Variants in ELAPOR1 observed in about 807,000 individuals in gnomAD.
ELAPOR1 encodes endosome/lysosome-associated apoptosis and autophagy regulator 1.
ELAPOR1 carries 77 observed loss-of-function variants against 119.7 expected under a neutral mutation model. The observed-to-expected ratio is 0.64, with a 90% CI of 0.54 to 0.78. The LOEUF is 0.78. ELAPOR1 is among the 30% of genes least tolerant of loss of function. The probability of loss-of-function intolerance (pLI) is 0.00; values close to 1 mark genes in which losing one functional copy is unlikely to be tolerated. For missense variants in ELAPOR1, 1,115 were observed against 1,270.4 expected, an observed-to-expected ratio of 0.88 and a Z score of 1.86; for synonymous variants, 481 against 487.2, an observed-to-expected ratio of 0.99 and a Z score of 0.17.
intron 1 of ELAPOR1, among the ~76,000 whole-genome samples, chr1:109,139,847 C>G (rs993724594): frequency 6.6e-6 from 1 of 152,062 alleles, no homozygotes; most frequent in African/African-American, 2.4e-5. Flanking sequence ...TCTTGGCTCA[C>G]TGCAACCTCT....
rs568864759 is a variant in ELAPOR1, at chr1:109,194,440, A to G, written c.1967A>G (p.Asn656Ser). 3.1e-6 allele frequency: 5 copies of G among 1,613,820 alleles called. No individual in the cohort carries two copies. Among genetic ancestry groups the G allele is most frequent in the Admixed American group, 1.7e-5 (1 of 60,024 alleles). The change falls in exon 15 of 22, where the codon AAC becomes AGC. Residue 656 changes from asparagine (N) to serine (S), a missense_variant. Physicochemically the swap from Asn to Ser is conservative, Grantham distance 46 (BLOSUM62 1). Transcript: ENST00000369939. Reference protein sequence around the residue: ...KNNKIHSLCYNDCTFSRNTPT... With the variant: ...KNNKIHSLCYSDCTFSRNTPT... ...CCTCAGATCCACTCTCTGTGCTACA[A>G]CGATTGCACCTTCTCACGCAACACT...
intron 1 of ELAPOR1, among the ~76,000 whole-genome samples, chr1:109,161,013 G>T (rs1651213089): frequency 6.6e-6 from 1 of 152,154 alleles, no homozygotes; most frequent in Non-Finnish European, 1.5e-5. Flanking sequence ...AATTAGGGAT[G>T]AACAGGCTCA....
At chr1:109,179,677 A>G (rs1652579107) in intron 7 of ELAPOR1, among the ~76,000 whole-genome samples, 1 of 152,114 alleles carries the variant, frequency 6.6e-6, no homozygotes, top group Non-Finnish European at 1.5e-5. Context: ...AGGCTGAGGC[A>G]GGTGGATCAC....
intron 1 of ELAPOR1, among the ~76,000 whole-genome samples, chr1:109,137,318 C>T (rs1649535569): frequency 6.6e-6 from 1 of 151,502 alleles, no homozygotes; most frequent in East Asian, 1.9e-4. Flanking sequence ...ATTTTCCTGC[C>T]TCAGCCTCCC....
chr1:109,157,563 AATAGCCTGC>A (rs1650961687), intron 1 of ELAPOR1, among the ~76,000 whole-genome samples: 2 of 152,152 alleles, frequency 1.3e-5, no homozygotes, highest in South Asian at 4.1e-4. Context: ...TAACCTTATG[AATAGCCTGC>A]ATAACTATAC....
intron 2 of ELAPOR1, among the ~76,000 whole-genome samples, chr1:109,163,249 G>A (rs1430421274): frequency 6.6e-6 from 1 of 152,202 alleles, no homozygotes; most frequent in Non-Finnish European, 1.5e-5. Flanking sequence ...GGTGAAAAAA[G>A]ATTTGTAGTG....
intron 1 of ELAPOR1, among the ~76,000 whole-genome samples, chr1:109,154,144 G>T (rs1650710352): frequency 6.6e-6 from 1 of 151,656 alleles, no homozygotes; most frequent in South Asian, 2.1e-4. Context: ...AGCTGGGCAT[G>T]GTGGTGCATG....
intron 1 of ELAPOR1, among the ~76,000 whole-genome samples, chr1:109,135,881 T>C (rs1649438990): frequency 6.6e-6 from 1 of 152,220 alleles, no homozygotes; most frequent in African/African-American, 2.4e-5. Flanking sequence ...CAAGGATCTC[T>C]GGGTGGATAT....
intron 8 of ELAPOR1, among the ~76,000 whole-genome samples, chr1:109,185,735 A>G (rs1653003078): frequency 6.6e-6 from 1 of 152,034 alleles, no homozygotes; most frequent in Admixed American, 6.5e-5. Context: ...ACAGTCCTGT[A>G]TGAGAGGCTG....
chr1:109,190,659 CT>C (rs1242043853), intron 11 of ELAPOR1, among the ~76,000 whole-genome samples: 1 of 152,110 alleles, frequency 6.6e-6, no homozygotes, highest in Non-Finnish European at 1.5e-5. Flanking sequence ...ACTTTTTAGG[CT>C]TTTTTTGGAA....
intron 7 of ELAPOR1, among the ~76,000 whole-genome samples, chr1:109,177,159 T>C (rs1477426856): frequency 2.5e-4 from 37 of 147,440 alleles, no homozygotes; most frequent in East Asian, 8.1e-4. Flanking sequence ...GCAGAGGGGC[T>C]CCTCACTTCC....
intron 1 of ELAPOR1, among the ~76,000 whole-genome samples, chr1:109,141,094 C>T (rs1364573248): frequency 2.6e-5 from 4 of 152,212 alleles, no homozygotes; most frequent in Non-Finnish European, 4.4e-5. Context: ...TCAGGCAATC[C>T]GCCTACCTTG....
chr1:109,141,830 T>A (rs1649846527), intron 1 of ELAPOR1, among the ~76,000 whole-genome samples: 1 of 151,752 alleles, frequency 6.6e-6, no homozygotes, highest in Admixed American at 6.6e-5. Context: ...CACACCTGGC[T>A]AATTTTTTTT....
intron 18 of ELAPOR1, among the ~76,000 whole-genome samples, chr1:109,198,906 C>T (rs1015523618): frequency 2.1e-4 from 32 of 152,212 alleles, no homozygotes; most frequent in Admixed American, 7.2e-4. Flanking sequence ...GCAGCAGCTG[C>T]GTAGCATGGT....
chr1:109,174,580 C>T (rs185739898), intron 7 of ELAPOR1, among the ~76,000 whole-genome samples: 1 of 150,332 alleles, frequency 6.7e-6, no homozygotes, highest in Non-Finnish European at 1.5e-5. Context: ...GGAAGAGAGA[C>T]AATAAACAAA....
At chr1:109,140,190 C>G (rs1266634414) in intron 1 of ELAPOR1, among the ~76,000 whole-genome samples, 2 of 152,176 alleles carry the variant, frequency 1.3e-5, no homozygotes, top group African/African-American at 4.8e-5. Context: ...GTGAAAAGCA[C>G]TCCCTGGGGT....
chr1:109,189,270 T>C lies in ELAPOR1; in HGVS notation c.1348+76T>C, dbSNP rs976639776. The C allele has an allele frequency of 1.2e-5, 18 of 1,518,756 alleles. No homozygotes were observed. The African/African-American group carries it at 2.1e-4, about 17-fold the overall frequency. The allele number at this position is 1,518,756 out of a possible 1,614,324, so 94.1% of individuals were successfully genotyped here. A position where few individuals can be genotyped will look rare whatever the true frequency, so the allele number is the denominator to read the frequency against. ...GTTCTTCCAACTTCACATTTCTTCATAATAGTGATGTCTGAGAAAAATAAG... is the reference window on the plus strand; with the variant it reads ...GTTCTTCCAACTTCACATTTCTTCACAATAGTGATGTCTGAGAAAAATAAG... On this transcript the variant is annotated intron_variant, in intron 10 of 21. Coordinates refer to ENST00000369939, the MANE Select transcript of ELAPOR1 (RefSeq NM_020775.5).
intron 1 of ELAPOR1, among the ~76,000 whole-genome samples, chr1:109,116,668 C>G (rs1648025028): frequency 6.9e-6 from 1 of 144,694 alleles, no homozygotes; most frequent in Admixed American, 7.5e-5. Context: ...GGTAGACCAG[C>G]TCTTCTCTGT....
chr1:109,168,219 A>G (rs964430270), intron 3 of ELAPOR1, among the ~76,000 whole-genome samples: 2 of 152,082 alleles, frequency 1.3e-5, no homozygotes, highest in Non-Finnish European at 2.9e-5. Context: ...CCTCAAAGAA[A>G]CCATCCCCGA....
Sources: gnomAD v4.1 joint callset for allele counts (sites outside exome capture counted in the v4.1 genomes callset) on GRCh38, gnomAD v4.1.1 for gene constraint, MANE v1.5 for transcripts, NCBI Gene and HGNC (gene_info 2026-07-23, HGNC 2026-07-21) for gene names.